The following RBFOX1 variants were observed in gnomAD, a reference collection of about 807,000 sequenced individuals.
RBFOX1 encodes the protein RNA binding fox-1 homolog 1, also known as RNA binding protein fox-1 homolog 1.
In RBFOX1, 8 loss-of-function variants were observed where a neutral mutation model predicts 57.7. That is an observed-to-expected ratio of 0.14 (90% CI 0.08 to 0.25). RBFOX1 has a LOEUF of 0.25. RBFOX1 is among the 10% of genes least tolerant of loss of function. The pLI is 1.00. For synonymous variants in RBFOX1, 326 were observed against 222.4 expected, an observed-to-expected ratio of 1.47 and a Z score of -4.15; for missense variants, 611 against 548.5, an observed-to-expected ratio of 1.11 and a Z score of -1.14.
At position 6,125,577 on chromosome 16, in the gene RBFOX1, A is replaced by T. The variant is rs147254126; in HGVS notation, c.-127+105585A>T. On this transcript the variant is annotated intron_variant, in intron 1 of 15. Transcript: ENST00000550418. Reference sequence around the variant, plus strand: ...CCTGGAGTGCACTTCTCATTGGTCAAGGATTAAATTCATGGGAATCGTGTA... The same window carrying T: ...CCTGGAGTGCACTTCTCATTGGTCATGGATTAAATTCATGGGAATCGTGTA... Among the ~76,000 whole-genome samples the T allele has an allele frequency of 1.1e-4, 17 of 152,358 alleles. No homozygotes were observed. In the East Asian group the frequency reaches 3.1e-3, roughly 28 times the overall value.
intron 14 of RBFOX1, among the ~76,000 whole-genome samples, chr16:7,687,726 G>A (rs2058184): frequency 1 from 151,774 of 152,178 alleles, 75,691 homozygotes; most frequent in Middle Eastern, 1. Context: ...TATAACTACT[G>A]TAATTAGTAT....
intron 10 of RBFOX1, 25 bp from the exon 11 acceptor site, chr16:7,630,578 T>C (rs1373753501): frequency 3.5e-5 from 56 of 1,613,788 alleles, no homozygotes; most frequent in Non-Finnish European, 4.7e-5. Flanking sequence ...CCAAACCAGA[T>C]ACCATCTCTC....
chr16:6,173,616 T>TTC (rs2096979462), intron 1 of RBFOX1, among the ~76,000 whole-genome samples: 1 of 142,368 alleles, frequency 7.0e-6, no homozygotes. Context: ...TTTTTTTTTT[T>TTC]TTTTTTTTTT....
rs75559717 is a variant in RBFOX1 at position 5,832,545 on chromosome 16, A to G, written c.319-34758A>G. Reference sequence around the variant, plus strand: ...TGAAATGCTTAGTTCACAGCCTGGCATGTAGAATATAACACATGTTAGCTG... The same window carrying G: ...TGAAATGCTTAGTTCACAGCCTGGCGTGTAGAATATAACACATGTTAGCTG... On this transcript the variant is annotated intron_variant, in intron 3 of 19. Coordinates refer to the RBFOX1 transcript ENST00000641259. Among the ~76,000 whole-genome samples the G allele has an allele frequency of 2.4e-3, 359 of 152,296 alleles. 3 individuals carry two copies. Among genetic ancestry groups the G allele is most frequent in the African/African-American group, 8.2e-3 (341 of 41,538 alleles).
intron 11 of RBFOX1, among the ~76,000 whole-genome samples, chr16:7,639,523 C>T (rs1044122520): frequency 6.6e-6 from 1 of 152,096 alleles, no homozygotes; most frequent in Non-Finnish European, 1.5e-5. Context: ...ATTCTACATC[C>T]TGAAAATATG....
intron 2 of RBFOX1, among the ~76,000 whole-genome samples, chr16:5,494,772 G>A (rs1390164916): frequency 1.3e-5 from 2 of 152,186 alleles, no homozygotes; most frequent in African/African-American, 2.4e-5. Context: ...AATAGCTTTC[G>A]CTCCCTGGGC....
At chr16:5,631,377 C>A (rs976564318) in intron 3 of RBFOX1, among the ~76,000 whole-genome samples, 2 of 151,966 alleles carry the variant, frequency 1.3e-5, no homozygotes, top group African/African-American at 4.8e-5. Context: ...GCCAATATGG[C>A]AAAACTCCAT....
chr16:6,959,280 G>T (rs1412803216), intron 3 of RBFOX1, among the ~76,000 whole-genome samples: 1 of 152,100 alleles, frequency 6.6e-6, no homozygotes, highest in Non-Finnish European at 1.5e-5. Flanking sequence ...TTATGTGGAG[G>T]GAGCCAGTAC....
At chr16:5,989,204 G>C (rs1313995586) in intron 4 of RBFOX1, among the ~76,000 whole-genome samples, 1 of 151,728 alleles carries the variant, frequency 6.6e-6, no homozygotes, top group African/African-American at 2.4e-5. Context: ...GGTGGCAGGA[G>C]CCTGTAGTCC....
intron 3 of RBFOX1, among the ~76,000 whole-genome samples, chr16:6,808,831 A>G (rs1490428833): frequency 6.6e-6 from 1 of 152,150 alleles, no homozygotes; most frequent in Non-Finnish European, 1.5e-5. Context: ...TTCATAGAAA[A>G]TCACTACCTC....
chr16:6,278,868 T>G (rs1227459802), intron 1 of RBFOX1, among the ~76,000 whole-genome samples: 1 of 152,236 alleles, frequency 6.6e-6, no homozygotes, highest in African/African-American at 2.4e-5. Context: ...TTCTTGATCT[T>G]AAATCTTAAA....
At chr16:5,314,425 G>A (rs2064176089) in intron 1 of RBFOX1, among the ~76,000 whole-genome samples, 1 of 152,246 alleles carries the variant, frequency 6.6e-6, no homozygotes, top group African/African-American at 2.4e-5. Context: ...TCTGGGAGAA[G>A]CAGCACCAGG....
At chr16:6,246,670 C>G (rs1365417883) in intron 1 of RBFOX1, among the ~76,000 whole-genome samples, 1 of 152,174 alleles carries the variant, frequency 6.6e-6, no homozygotes, top group East Asian at 1.9e-4. Flanking sequence ...TCACAGTCAT[C>G]TATGGAGGCA....
At chr16:7,439,377 A>G (rs1046342806) in intron 4 of RBFOX1, among the ~76,000 whole-genome samples, 4 of 152,034 alleles carry the variant, frequency 2.6e-5, no homozygotes, top group Non-Finnish European at 5.9e-5. Flanking sequence ...AAAAAAAAAA[A>G]AAATCCAGCC....
chr16:6,713,217 G>A (rs1212133756), intron 3 of RBFOX1, among the ~76,000 whole-genome samples: 1 of 151,912 alleles, frequency 6.6e-6, no homozygotes, highest in African/African-American at 2.4e-5. Flanking sequence ...CTAGAGCCAG[G>A]ATAATCTTTT....
intron 3 of RBFOX1, among the ~76,000 whole-genome samples, chr16:6,925,216 C>G (rs1382836725): frequency 3.7e-5 from 5 of 136,502 alleles, no homozygotes; most frequent in South Asian, 2.4e-4. Flanking sequence ...TCACTGAAGC[C>G]TCTGCCTCCC....
chr16:7,236,527 G>A (rs1028311619), intron 4 of RBFOX1, among the ~76,000 whole-genome samples: 1 of 151,948 alleles, frequency 6.6e-6, no homozygotes, highest in African/African-American at 2.4e-5. Flanking sequence ...TTCTACTTTT[G>A]GCATTTTCCC....
chr16:6,554,737 C>T lies in RBFOX1; in HGVS notation c.-63-99866C>T, dbSNP rs1012307336. On this transcript the variant is annotated intron_variant, in intron 2 of 15. Coordinates refer to ENST00000550418, the MANE Select transcript of RBFOX1 (RefSeq NM_018723.4). ...TCCAGTAGACACAGACACACACACA[C>T]ACACACACACACACACACACAGACA... 2.0e-5 allele frequency among the ~76,000 whole-genome samples: 3 copies of T among 150,558 alleles called. No individual in the cohort carries two copies. In the South Asian group the frequency reaches 6.3e-4, roughly 32 times the overall value.
rs1366238899 is a variant in RBFOX1 at position 6,780,003 on chromosome 16, ATATT to A, written c.-16+125357_-16+125360del. Among the ~76,000 whole-genome samples, 3 of 66,948 alleles carry A rather than the reference ATATT, an allele frequency of 4.5e-5. 1 individual carries two copies. Among genetic ancestry groups the A allele is most frequent in the South Asian group, 5.5e-4 (1 of 1,802 alleles). The allele number at this position is 66,948 out of a possible 152,430, so 43.9% of individuals were successfully genotyped here. A position where few individuals can be genotyped will look rare whatever the true frequency, so the allele number is the denominator to read the frequency against. ...TATTTATATATTTATATATTTATAT[ATATT>A]TATATATATTTATATATTTATATAT... On this transcript the variant is annotated intron_variant, in intron 3 of 15. Transcript: ENST00000550418.
Sources: gnomAD v4.1 joint callset for allele counts (sites outside exome capture counted in the v4.1 genomes callset) on GRCh38, gnomAD v4.1.1 for gene constraint, MANE v1.5 for transcripts, NCBI Gene and HGNC (gene_info 2026-07-23, HGNC 2026-07-21) for gene names.